The following DNAH17 variants were observed in gnomAD, a reference collection of about 807,000 sequenced individuals.
The protein encoded by DNAH17 is axonemal beta dynein heavy chain 17.
A neutral mutation model predicts 485.6 loss-of-function variants in DNAH17; 376 were observed. The ratio of observed to expected loss-of-function variants is 0.77; its 90% CI spans 0.71 to 0.84. DNAH17 has a LOEUF of 0.84. DNAH17 is among the 40% of genes least tolerant of loss of function. The probability of loss-of-function intolerance (pLI) is 0.00; values close to 1 mark genes in which losing one functional copy is unlikely to be tolerated. For synonymous variants in DNAH17, 3,031 were observed against 2,405.9 expected, an observed-to-expected ratio of 1.26 and a Z score of -7.60; for missense variants, 6,370 against 5,839.3, an observed-to-expected ratio of 1.09 and a Z score of -2.96.
At chr17:78,515,488 G>A (rs1220246406) in intron 25 of DNAH17, among the ~76,000 whole-genome samples, 1 of 151,674 alleles carries the variant, frequency 6.6e-6, no homozygotes, top group Admixed American at 6.6e-5. Context: ...CGGCCTGGGT[G>A]ACAGAGTGAG....
chr17:78,519,870 G>A (rs1383016087), intron 25 of DNAH17, among the ~76,000 whole-genome samples: 1 of 152,206 alleles, frequency 6.6e-6, no homozygotes, highest in Non-Finnish European at 1.5e-5. Flanking sequence ...AGCACTTTGG[G>A]AGGCTGAGGT....
At chr17:78,426,785 T>G (rs754263873) in intron 78 of DNAH17, 141 bp downstream of exon 78, 1 of 1,293,470 alleles carries the variant, frequency 7.7e-7, no homozygotes, top group Non-Finnish European at 1.1e-6. Context: ...CGGGGCTTGT[T>G]CTGGAACTGC....
chr17:78,426,935 C>A lies in DNAH17; in HGVS notation c.12762G>T (p.Leu4254=). The change falls in exon 78 of 81, where the codon CTG becomes CTT. Residue 4254 remains leucine, a synonymous_variant. Coordinates refer to ENST00000389840, the MANE Select transcript of DNAH17 (RefSeq NM_173628.4). Reference sequence around the variant, plus strand: ...GCTGACCCATGTTTACCTTCAGCCCCAGGTTCAGCTCCTTGAGCGAACGGC... The same window carrying A: ...GCTGACCCATGTTTACCTTCAGCCCAAGGTTCAGCTCCTTGAGCGAACGGC... The part of the protein sequence containing the change: ...EMRRSLKELN[L]GLKGELTITT... The A allele has an allele frequency of 6.2e-7, 1 of 1,604,820 alleles. No individual in the cohort carries two copies. Among genetic ancestry groups the A allele is most frequent in the East Asian group, 2.2e-5 (1 of 44,514 alleles).
At chr17:78,529,351 G>A in intron 22 of DNAH17, 121 bp downstream of exon 22, 8 of 975,688 alleles carry the variant, frequency 8.2e-6, no homozygotes, top group Admixed American at 6.2e-5. Flanking sequence ...GGGATCTGAT[G>A]TCCAGAGAGG....
rs775845995 is a variant in DNAH17, at chr17:78,475,286, CG to C, written c.8502del (p.Asp2835ThrfsTer11). The part of the protein sequence containing the change: ...QITLKKGYGI[P>X]DLKIDLAAQY... ...GAACAGTAAGCTCTCACCTTGAGGT[CG>C]GGGATCCCGTAGCCCTTCTTGAGGG... On this transcript the variant is annotated frameshift_variant, in exon 54 of 81. Coordinates refer to ENST00000389840, the MANE Select transcript of DNAH17 (RefSeq NM_173628.4). LOFTEE classifies it high-confidence loss of function. 6.2e-7 allele frequency: 1 copy of C among 1,613,962 alleles called. No homozygotes were observed. Among genetic ancestry groups the C allele is most frequent in the Non-Finnish European group, 8.5e-7 (1 of 1,179,868 alleles).
Position 78,484,849 on chromosome 17 carries a change from C to T in DNAH17, c.7649+19G>A, listed in dbSNP as rs371685162. 2,171 of 1,517,950 alleles carry T rather than the reference C, an allele frequency of 1.4e-3. 3 individuals carry two copies. The highest frequency in any genetic ancestry group is 1.8e-3 in the Non-Finnish European group (2,011 of 1,130,766). The allele number at this position is 1,517,950 out of a possible 1,614,324, so 94.0% of individuals were successfully genotyped here. On this transcript the variant is annotated intron_variant, in intron 48 of 80. Coordinates refer to ENST00000389840, the MANE Select transcript of DNAH17 (RefSeq NM_173628.4). ...CGCCCCGGGGCCACGCCTTCCCCTC[C>T]GGCCCCGCCCCGTCTAACCAGTGCC... is the stretch of plus-strand genomic sequence containing the variant.
rs144625792 is a variant in DNAH17 at position 78,455,404 on chromosome 17, C to A, written c.10170+240G>T. On this transcript the variant is annotated intron_variant, in intron 63 of 80. Transcript: ENST00000389840. ...GCAGTAGTGTGATCTCTGCTCACTG[C>A]AACCTCCGCCTCCAAGGTTCAAGTG... is the stretch of plus-strand genomic sequence containing the variant. 9.2e-4 allele frequency among the ~76,000 whole-genome samples: 139 copies of A among 151,872 alleles called. 1 individual carries two copies. The East Asian group carries it at 0.025, about 28-fold the overall frequency.
chr17:78,446,338 C>T (rs1287946268), intron 69 of DNAH17, among the ~76,000 whole-genome samples: 2 of 152,084 alleles, frequency 1.3e-5, no homozygotes, highest in African/African-American at 2.4e-5. Context: ...CCCCATCGCC[C>T]CTTGCCTCTG....
chr17:78,433,615 G>A (rs618842), intron 75 of DNAH17, among the ~76,000 whole-genome samples: 21,185 of 152,162 alleles, frequency 0.14, 1,643 homozygotes, highest in Middle Eastern at 0.2. Flanking sequence ...GAGCCGTGGT[G>A]AGGCCTGCAG....
chr17:78,495,860 A>C lies in DNAH17; in HGVS notation c.5903+15T>G, dbSNP rs1444013278. The C allele has an allele frequency of 6.2e-7, 1 of 1,606,318 alleles. No individual in the cohort carries two copies. Among genetic ancestry groups the C allele is most frequent in the Admixed American group, 1.7e-5 (1 of 59,656 alleles). On this transcript the variant is annotated intron_variant, in intron 38 of 80. Transcript: ENST00000389840. ...TGGCTCACTGCAGCCACTCACTTTC[A>C]CCTGGGCCACGTACCTGAATAAGGC...
intron 64 of DNAH17, 23 bp from the exon 65 acceptor site, chr17:78,453,488 G>A (rs780771130): frequency 6.2e-7 from 1 of 1,613,058 alleles, no homozygotes; most frequent in Non-Finnish European, 8.5e-7. Context: ...CACGGAAGCT[G>A]GTTCATGGCA....
intron 70 of DNAH17, 133 bp downstream of exon 70, chr17:78,445,424 CG>C: frequency 3.9e-6 from 5 of 1,269,400 alleles, no homozygotes; most frequent in Non-Finnish European, 5.3e-6. Flanking sequence ...TCCCTATGTG[CG>C]GGGCCTCCTT....
rs141542166 is a variant in DNAH17, at chr17:78,524,871, G to C, written c.3864+138C>G. ...CCACCTCGCGATCTCAGGGCCCTTC[G>C]GATGCCTCCACCCAACACCAGAAAC... is the stretch of plus-strand genomic sequence containing the variant. On this transcript the variant is annotated intron_variant, in intron 25 of 80. Coordinates refer to ENST00000389840, the MANE Select transcript of DNAH17 (RefSeq NM_173628.4). 553 of 1,220,826 alleles carry C rather than the reference G, an allele frequency of 4.5e-4. 10 individuals are homozygous for C. The East Asian group carries it at 0.014, about 30-fold the overall frequency. 75.6% of individuals were successfully genotyped at this position (1,220,826 alleles called of 1,614,324 possible).
At position 78,449,808 on chromosome 17, in the gene DNAH17, C is replaced by T. The variant is rs531501977; in HGVS notation, c.11041-224G>A. On this transcript the variant is annotated intron_variant, in intron 68 of 80. Transcript: ENST00000389840. ...TGTTCAAGCGATTCTCCTGCCTCAG[C>T]CTCCCAAGGCGCACACCACCACACC... The T allele has an allele frequency of 2.7e-3, 1,428 of 528,310 alleles. 8 individuals carry two copies. The highest frequency in any genetic ancestry group is 3.8e-3 in the Non-Finnish European group (1,123 of 294,244). The allele number at this position is 528,310 out of a possible 1,614,324, so 32.7% of individuals were successfully genotyped here.
Position 78,480,754 on chromosome 17 carries a change from A to G in DNAH17, c.7682T>C (p.Ile2561Thr), listed in dbSNP as rs755933524. Reference protein sequence around the residue: ...YDRHKLTLKDIHNCQYVACMN... With the variant: ...YDRHKLTLKDTHNCQYVACMN... ...GCAGGCCACGTACTGACAATTATGG[A>G]TATCTTTTAACGTCAGCTTATGTCT... is the stretch of plus-strand genomic sequence containing the variant. The change falls in exon 49 of 81, where the codon ATC becomes ACC. Residue 2561 changes from isoleucine (I) to threonine (T), a missense_variant. Coordinates refer to ENST00000389840, the MANE Select transcript of DNAH17 (RefSeq NM_173628.4). 3.1e-5 allele frequency: 50 copies of G among 1,613,548 alleles called. No homozygotes were observed. Among genetic ancestry groups the G allele is most frequent in the East Asian group, 4.5e-5 (2 of 44,880 alleles).
Position 78,485,639 on chromosome 17 carries a change from A to T in DNAH17, c.7394T>A (p.Met2465Lys). The T allele has an allele frequency of 8.7e-6, 14 of 1,613,930 alleles. No individual in the cohort carries two copies. The highest frequency in any genetic ancestry group is 1.2e-5 in the Non-Finnish European group (14 of 1,179,856). ...GNAGTGKSVL[M>K]GDKLESLNTD... is the part of the protein sequence containing the mutation. ...GTTCAGGCTTTCCAGCTTGTCCCCC[A>T]TCAGCACCGACTTGCCCGTCCCCGC... is the stretch of plus-strand genomic sequence containing the variant. The change falls in exon 47 of 81, where the codon ATG becomes AAG. Residue 2465 changes from methionine (M) to lysine (K), a missense_variant. Coordinates refer to ENST00000389840, the MANE Select transcript of DNAH17 (RefSeq NM_173628.4).
intron 26 of DNAH17, among the ~76,000 whole-genome samples, chr17:78,512,967 A>G (rs888688281): frequency 6.8e-6 from 1 of 146,614 alleles, no homozygotes; most frequent in African/African-American, 2.5e-5. Context: ...AAAAAAAAGA[A>G]TTAATGGAGA....
At position 78,514,976 on chromosome 17, in the gene DNAH17, A is replaced by G. The variant is rs763235558; in HGVS notation, c.3911T>C (p.Ile1304Thr). Residue 1304 changes from isoleucine (I) to threonine (T), a missense_variant, in exon 26 of 81, where the codon ATC becomes ACC. Transcript: ENST00000389840. ...ATCTATGTCCATCTGCTCAACGTTGATATCTTTCCACTTGGTGGTCTTCCA... is the reference window on the plus strand; with the variant it reads ...ATCTATGTCCATCTGCTCAACGTTGGTATCTTTCCACTTGGTGGTCTTCCA... ...EDWKTTKWKD[I>T]NVEQMDIDCK... 5.0e-6 allele frequency: 8 copies of G among 1,613,792 alleles called. No homozygotes were observed. Among genetic ancestry groups the G allele is most frequent in the Admixed American group, 1.7e-5 (1 of 59,992 alleles).
At chr17:78,558,522 CCCTCATGGGTGGATGACATCAT>C (rs2092079666) in intron 13 of DNAH17, among the ~76,000 whole-genome samples, 1 of 128,028 alleles carries the variant, frequency 7.8e-6, no homozygotes, top group Non-Finnish European at 1.7e-5. Context: ...GATGACATCA[CCCTCATGGGTGGATGACATCAT>C]CATTGCATGT....
Sources: gnomAD v4.1 joint callset for allele counts (sites outside exome capture counted in the v4.1 genomes callset) on GRCh38, gnomAD v4.1.1 for gene constraint, MANE v1.5 for transcripts, NCBI Gene and HGNC (gene_info 2026-07-23, HGNC 2026-07-21) for gene names.